The following GRTP1 variants were observed in gnomAD, a reference collection of about 807,000 sequenced individuals.
GRTP1 encodes growth hormone regulated TBC protein 1.
In GRTP1, 56 loss-of-function variants were observed where a neutral mutation model predicts 38.1. The observed-to-expected ratio is 1.47, with a 90% CI of 1.19 to 1.84. The LOEUF is 1.84. Among genes scored for constraint, GRTP1 ranks in the 40% most tolerant of loss-of-function variants. The pLI is 0.00. For missense variants in GRTP1, 506 were observed against 453.9 expected (o/e 1.11, Z -1.04); for synonymous variants, 217 against 189.5 (o/e 1.14, Z -1.19).
At chr13:113,339,785 T>G (rs2043001822) in intron 5 of GRTP1, 1 of 152,232 alleles carries the variant, frequency 6.6e-6, no homozygotes, top group African/African-American at 2.4e-5. Flanking sequence ...GGCTTTGCCC[T>G]TGATTATTCC....
At chr13:113,350,477 C>A (rs1433520380) in intron 4 of GRTP1, among the ~76,000 whole-genome samples, 2 of 143,550 alleles carry the variant, frequency 1.4e-5, no homozygotes, top group Non-Finnish European at 3.0e-5. Flanking sequence ...CACACATATC[C>A]CATACACACA....
chr13:113,330,571 C>A (rs1203037061), intron 5 of GRTP1, among the ~76,000 whole-genome samples: 15 of 97,200 alleles, frequency 1.5e-4, no homozygotes, highest in Admixed American at 2.9e-4. Context: ...TGCATGGGAG[C>A]CCAGGTGTGT....
Position 113,347,478 on chromosome 13 carries a change from A to G in GRTP1, c.466-2519T>C, listed in dbSNP as rs1447415379. On this transcript the variant is annotated intron_variant, in intron 4 of 7. Transcript: ENST00000375431. ...CAGGAGGATCTCTGTGGCCGAGAGCAGACCTGGGAGGACCTCTGTGGCCGA... is the reference window on the plus strand; with the variant it reads ...CAGGAGGATCTCTGTGGCCGAGAGCGGACCTGGGAGGACCTCTGTGGCCGA... 7.9e-4 allele frequency among the ~76,000 whole-genome samples: 59 copies of G among 74,600 alleles called. 1 individual carries two copies. Among genetic ancestry groups the G allele is most frequent in the African/African-American group, 1.7e-3 (28 of 16,516 alleles). 48.9% of individuals were successfully genotyped at this position (74,600 alleles called of 152,430 possible).
At chr13:113,346,228 A>ACCTGGGAGGACCTCTGTGGCAGAGAG (rs2043124751) in intron 4 of GRTP1, among the ~76,000 whole-genome samples, 1 of 11,072 alleles carries the variant, frequency 9.0e-5, no homozygotes, top group South Asian at 2.7e-3. Context: ...GTGGCTGAGA[A>ACCTGGGAGGACCTCTGTGGCAGAGAG]CAGACCCGGG....
intron 5 of GRTP1, among the ~76,000 whole-genome samples, chr13:113,335,253 A>G (rs2042938891): frequency 1.3e-5 from 2 of 152,200 alleles, no homozygotes; most frequent in South Asian, 4.2e-4. Context: ...TCAATGTGTC[A>G]TGATCAGACC....
At chr13:113,327,095 CCTT>C (rs2042785750) in intron 5 of GRTP1, among the ~76,000 whole-genome samples, 1 of 152,222 alleles carries the variant, frequency 6.6e-6, no homozygotes, top group South Asian at 2.1e-4. Flanking sequence ...AACAGCTTGC[CCTT>C]CTTTTGAATG....
In GRTP1 at chr13:113,363,827, A is replaced by G; in HGVS notation, c.116T>C (p.Leu39Pro). 6.2e-7 allele frequency: 1 copy of G among 1,611,860 alleles called. No homozygotes were observed. Among genetic ancestry groups the G allele is most frequent in the Non-Finnish European group, 8.5e-7 (1 of 1,179,548 alleles). ...GGACCATTTGATCGCCCTGCGGGTGAGCGTGACCAGGTAGCTGGAGAAAAA... is the reference window on the plus strand; with the variant it reads ...GGACCATTTGATCGCCCTGCGGGTGGGCGTGACCAGGTAGCTGGAGAAAAA... ...EKFFSSYLVT[L>P]TRRAIKWSRL... Residue 39 changes from leucine to proline, a missense_variant, in exon 2 of 8, where the codon CTC becomes CCC. Transcript: ENST00000375431.
chr13:113,325,681 C>T lies in GRTP1; in HGVS notation c.901G>A (p.Glu301Lys). The change falls in exon 7 of 8, where the codon GAG becomes AAG. Residue 301 changes from glutamate (E) to lysine (K), a missense_variant. Coordinates refer to ENST00000375431, the MANE Select transcript of GRTP1 (RefSeq NM_024719.4). Reference protein sequence around the residue: ...KQITKGSFVMECHTFMQKIFS... With the variant: ...KQITKGSFVMKCHTFMQKIFS... ...CACACCTGCATAAACGTGTGACACT[C>T]CATCACGAAACTCCCTTTGGTTATC... The T allele has an allele frequency of 6.2e-7, 1 of 1,614,222 alleles. No individual in the cohort carries two copies. The highest frequency in any genetic ancestry group is 8.5e-7 in the Non-Finnish European group (1 of 1,180,030).
rs145460757 is a variant in GRTP1, at chr13:113,343,315, G to C, written c.562+1548C>G. Among the ~76,000 whole-genome samples, 343 of 152,220 alleles carry C rather than the reference G, an allele frequency of 2.3e-3. 1 individual carries two copies. The highest frequency in any genetic ancestry group is 7.8e-3 in the African/African-American group (325 of 41,542). ...GCCGGCATCCTTTCCGCCCTGCGAG[G>C]TTCTGCCTGCTGCTGCTGCTGCTGC... On this transcript the variant is annotated intron_variant, in intron 5 of 7. Coordinates refer to ENST00000375431, the MANE Select transcript of GRTP1 (RefSeq NM_024719.4). The surrounding 1 kb of genome is among the most constrained non-coding windows in gnomAD (Gnocchi z 4.8).
Position 113,355,324 on chromosome 13 carries a change from TG to T in GRTP1, c.338del (p.Thr113LysfsTer3). On this transcript the variant is annotated frameshift_variant and splice_region_variant, in exon 3 of 8. Transcript: ENST00000375431. LOFTEE classifies it high-confidence loss of function. ...AGAGCTCGACCCCCACCGCCTCACCTGTCCTGATGGCGTCCTCCAGCCTGGG... is the reference window on the plus strand; with the variant it reads ...AGAGCTCGACCCCCACCGCCTCACCTTCCTGATGGCGTCCTCCAGCCTGGG... Reference protein sequence around the residue: ...RNPRLEDAIRTDLNRTFPDNV... With the variant: ...RNPRLEDAIRXDLNRTFPDNV... 4 of 1,613,854 alleles carry T rather than the reference TG, an allele frequency of 2.5e-6. No homozygotes were observed. The highest frequency in any genetic ancestry group is 3.4e-6 in the Non-Finnish European group (4 of 1,179,868).
rs199840231 is a variant in GRTP1, at chr13:113,325,808, G to A, written c.774C>T (p.Gly258=). 1.9e-5 allele frequency: 30 copies of A among 1,614,058 alleles called. No homozygotes were observed. In the East Asian group the frequency reaches 6.7e-4, roughly 36 times the overall value. Residue 258 remains glycine (G), a synonymous_variant, in exon 7 of 8, where the codon GGC becomes GGT. Coordinates refer to ENST00000375431, the MANE Select transcript of GRTP1 (RefSeq NM_024719.4). ...LRIWDCLFNE[G]SKIIFRVALT... is the part of the protein sequence containing the mutation. ...GGGCCACCCGGAAGATAATCTTCGA[G>A]CCTTCGTTAAACAAACAGTCCCAGA...
chr13:113,327,874 G>C (rs2042797988), intron 5 of GRTP1, among the ~76,000 whole-genome samples: 1 of 152,216 alleles, frequency 6.6e-6, no homozygotes, highest in South Asian at 2.1e-4. Flanking sequence ...GGGGTCTGCA[G>C]AGACACACAG....
chr13:113,363,340 T>C (rs900942001), intron 2 of GRTP1, among the ~76,000 whole-genome samples: 3 of 152,224 alleles, frequency 2.0e-5, no homozygotes, highest in Non-Finnish European at 4.4e-5. Flanking sequence ...CCAGAGTAGC[T>C]GGGACTACAG....
At chr13:113,363,339 C>G (rs1017883477) in intron 2 of GRTP1, among the ~76,000 whole-genome samples, 2 of 152,240 alleles carry the variant, frequency 1.3e-5, no homozygotes, top group Admixed American at 6.5e-5. Context: ...TCCAGAGTAG[C>G]TGGGACTACA....
At position 113,345,033 on chromosome 13, in the gene GRTP1, A is replaced by G. The variant is rs940926109; in HGVS notation, c.466-74T>C. The G allele has an allele frequency of 4.0e-6, 6 of 1,509,384 alleles. No individual in the cohort carries two copies. In the Admixed American group the frequency reaches 1.2e-4, roughly 29 times the overall value. 93.5% of individuals were successfully genotyped at this position (1,509,384 alleles called of 1,614,324 possible). A position where few individuals can be genotyped will look rare whatever the true frequency, so the allele number is the denominator to read the frequency against. On this transcript the variant is annotated intron_variant, in intron 4 of 7. Transcript: ENST00000375431. Reference sequence around the variant, plus strand: ...CATTTGATTCTGCAATCATTCGGCTACAAACTACCCAGTTTCCATTTCTCT... The same window carrying G: ...CATTTGATTCTGCAATCATTCGGCTGCAAACTACCCAGTTTCCATTTCTCT...
chr13:113,355,283 C>T lies in GRTP1; in HGVS notation c.340+40G>A, dbSNP rs745754804. The T allele has an allele frequency of 3.1e-5, 49 of 1,603,950 alleles. No individual in the cohort carries two copies. In the South Asian group the frequency reaches 5.2e-4, roughly 17 times the overall value. On this transcript the variant is annotated intron_variant, in intron 3 of 7. Coordinates refer to ENST00000375431, the MANE Select transcript of GRTP1 (RefSeq NM_024719.4). The stretch of plus-strand genomic sequence containing the variant: ...TGGGTGGAAACCGGTTCCTTCCGGC[C>T]CCCGGGCCCTGCACCAGAGCTCGAC...
intron 2 of GRTP1, among the ~76,000 whole-genome samples, chr13:113,357,791 TG>T (rs1360988991): frequency 6.6e-6 from 1 of 152,154 alleles, no homozygotes; most frequent in Non-Finnish European, 1.5e-5. Flanking sequence ...AGGCAAGGAC[TG>T]TTCTAACTGA....
At chr13:113,352,685 G>GT (rs1307398197) in intron 3 of GRTP1, among the ~76,000 whole-genome samples, 1 of 152,142 alleles carries the variant, frequency 6.6e-6, no homozygotes, top group African/African-American at 2.4e-5. Context: ...TTCTTGATAT[G>GT]TTTTGATAAC....
chr13:113,325,265 T>G, intron 7 of GRTP1: 1 of 1,250,766 alleles, frequency 8.0e-7, no homozygotes, highest in Non-Finnish European at 1.0e-6. Context: ...TCTCCTGGCG[T>G]CTTGGCTTCC....
Sources: allele counts gnomAD v4.1 joint callset (sites outside exome capture counted in the v4.1 genomes callset), GRCh38; gene constraint gnomAD v4.1.1; non-coding constraint Gnocchi (gnomAD v3.1); transcripts MANE v1.5; gene names NCBI Gene and HGNC (gene_info 2026-07-23, HGNC 2026-07-21).